Variants in GSE1 observed in about 807,000 individuals in gnomAD.
GSE1 encodes the protein genetic suppressor element 1.
GSE1 carries 32 observed loss-of-function variants against 112.6 expected under a neutral mutation model. The ratio of observed to expected loss-of-function variants is 0.28; its 90% CI spans 0.21 to 0.38. GSE1 has a LOEUF of 0.38. GSE1 is among the 10% of genes least tolerant of loss of function. The probability of loss-of-function intolerance (pLI) is 1.00; values close to 1 mark genes in which losing one functional copy is unlikely to be tolerated. For synonymous variants in GSE1, 1,115 were observed against 735.6 expected, an observed-to-expected ratio of 1.52 and a Z score of -8.35; for missense variants, 2,348 against 1,699.2, an observed-to-expected ratio of 1.38 and a Z score of -6.71.
rs2051087671 is a variant in GSE1, at chr16:85,648,705, C to T, written c.380C>T (p.Ala127Val). 4 of 1,608,954 alleles carry T rather than the reference C, an allele frequency of 2.5e-6. No individual in the cohort carries two copies. The highest frequency in any genetic ancestry group is 3.4e-6 in the Non-Finnish European group (4 of 1,178,148). ...AGCACCCCCCCCGTGGTGACCATCG[C>T]TCCAACCAAAACCGTGAATGGTGTC... ...VPSTPPVVTI[A>V]PTKTVNGVWR... is the part of the protein sequence containing the mutation. The change falls in exon 3 of 16, where the codon GCT (alanine) becomes GTT (valine). Residue 127 changes from alanine (A) to valine (V), a missense_variant. Ala to Val is a moderately conservative substitution (Grantham distance 64, BLOSUM62 0). Coordinates refer to ENST00000253458, the MANE Select transcript of GSE1 (RefSeq NM_014615.5).
chr16:85,232,844 G>A (rs985996365), intron 1 of GSE1, among the ~76,000 whole-genome samples: 2 of 152,256 alleles, frequency 1.3e-5, no homozygotes, highest in Admixed American at 6.5e-5. Flanking sequence ...TCAACCCTAT[G>A]TTAGGATTCT....
chr16:85,504,822 G>A (rs920892484), intron 2 of GSE1, among the ~76,000 whole-genome samples: 4 of 152,142 alleles, frequency 2.6e-5, no homozygotes, highest in Non-Finnish European at 5.9e-5. Flanking sequence ...TGGATGGGGG[G>A]TGCTCCAGGC....
chr16:85,356,994 A>C (rs573469458), intron 1 of GSE1, among the ~76,000 whole-genome samples: 1 of 152,216 alleles, frequency 6.6e-6, no homozygotes, highest in Non-Finnish European at 1.5e-5. Flanking sequence ...TGGTTTGCCC[A>C]GCTCTCTGAG....
At chr16:85,645,762 CT>C (rs1345638478) in intron 2 of GSE1, among the ~76,000 whole-genome samples, 1 of 152,246 alleles carries the variant, frequency 6.6e-6, no homozygotes, top group Non-Finnish European at 1.5e-5. Context: ...ATGCCGGGAG[CT>C]GATGGGCTGG....
intron 1 of GSE1, among the ~76,000 whole-genome samples, chr16:85,331,422 T>C (rs143709843): frequency 0.17 from 15,578 of 91,498 alleles, 2,394 homozygotes; most frequent in South Asian, 0.29. Flanking sequence ...TGCGTATATA[T>C]GTATATATGT....
intron 14 of GSE1, among the ~76,000 whole-genome samples, chr16:85,670,062 T>TC (rs1221143367): frequency 1.3e-5 from 2 of 152,252 alleles, no homozygotes; most frequent in African/African-American, 4.8e-5. Context: ...GTGGTTGGCA[T>TC]CCTTTTCCAT....
At position 85,337,526 on chromosome 16, in the gene GSE1, C is replaced by T. The variant is rs1034487871; in HGVS notation, c.2284-19937C>T. ...TTCACCGTGTTAGCCAGGATGGTCT[C>T]GATCTCCTGACCTCGTGATCCGCCC... On this transcript the variant is annotated intron_variant, in intron 1 of 2. Transcript: ENST00000637419. 4.6e-5 allele frequency among the ~76,000 whole-genome samples: 7 copies of T among 152,092 alleles called. No homozygotes were observed. In the South Asian group the frequency reaches 6.2e-4, roughly 14 times the overall value.
Position 85,439,025 on chromosome 16 carries a change from G to A in GSE1, c.2464+81382G>A, listed in dbSNP as rs541041376. On this transcript the variant is annotated intron_variant, in intron 2 of 2. Transcript: ENST00000637419. ...CAACCTCCCCACACGGTGAGGCAAA[G>A]CCAAGATCACCCACAAAGCCCAGGG... 6.5e-4 allele frequency among the ~76,000 whole-genome samples: 99 copies of A among 152,336 alleles called. 1 individual carries two copies. Among genetic ancestry groups the A allele is most frequent in the Admixed American group, 3.5e-3 (54 of 15,312 alleles).
intron 2 of GSE1, among the ~76,000 whole-genome samples, chr16:85,507,320 GC>G (rs1266549153): frequency 6.6e-6 from 1 of 152,182 alleles, no homozygotes; most frequent in Non-Finnish European, 1.5e-5. Flanking sequence ...TGAGCGGGGG[GC>G]TGTGGTAGGC....
intron 2 of GSE1, among the ~76,000 whole-genome samples, chr16:85,370,625 C>T (rs1414584081): frequency 6.6e-6 from 1 of 151,384 alleles, no homozygotes; most frequent in African/African-American, 2.4e-5. Context: ...CTCTCCCTCC[C>T]TCCTTCTCTC....
chr16:85,453,495 C>A (rs906788812), intron 2 of GSE1, among the ~76,000 whole-genome samples: 4 of 152,050 alleles, frequency 2.6e-5, no homozygotes, highest in African/African-American at 9.7e-5. Context: ...GGTGTGAGGG[C>A]ACCTCTTTCA....
intron 2 of GSE1, among the ~76,000 whole-genome samples, chr16:85,382,137 C>G (rs531785892): frequency 1.3e-5 from 2 of 152,248 alleles, no homozygotes. Context: ...GTCACCCCCA[C>G]GCAATGTGGT....
intron 2 of GSE1, among the ~76,000 whole-genome samples, chr16:85,499,247 C>T (rs2051281421): frequency 6.8e-6 from 1 of 146,228 alleles, no homozygotes; most frequent in Admixed American, 6.9e-5. Context: ...AGATGGGCAT[C>T]AGCGAGAGGG....
chr16:85,276,716 C>T (rs1044214018), intron 1 of GSE1, among the ~76,000 whole-genome samples: 1 of 152,126 alleles, frequency 6.6e-6, no homozygotes, highest in Non-Finnish European at 1.5e-5. Context: ...TGGGCCAGGG[C>T]AGGGGCCGGG....
chr16:85,674,442 C>T lies in GSE1; in HGVS notation c.*1903C>T, dbSNP rs1421874943. On this transcript the variant is annotated 3_prime_UTR_variant, in exon 16 of 16. Coordinates refer to ENST00000253458, the MANE Select transcript of GSE1 (RefSeq NM_014615.5). Reference sequence around the variant, plus strand: ...GCTGCAGGCCTCCCCTCGAAAGACACTGGGAGGTCAGCATGTTCCACAGGT... The same window carrying T: ...GCTGCAGGCCTCCCCTCGAAAGACATTGGGAGGTCAGCATGTTCCACAGGT... 6.7e-6 allele frequency: 1 copy of T among 149,804 alleles called. No homozygotes were observed. Among genetic ancestry groups the T allele is most frequent in the African/African-American group, 2.5e-5 (1 of 39,586 alleles). 9.3% of individuals were successfully genotyped at this position (149,804 alleles called of 1,614,324 possible). A position where few individuals can be genotyped will look rare whatever the true frequency, so the allele number is the denominator to read the frequency against.
chr16:85,352,475 CT>C (rs2046870237), intron 1 of GSE1, among the ~76,000 whole-genome samples: 1 of 152,178 alleles, frequency 6.6e-6, no homozygotes, highest in South Asian at 2.1e-4. Context: ...CCAGGGCCCC[CT>C]GGGAGTGGGG....
At chr16:85,653,560 C>T (rs28513950) in intron 3 of GSE1, among the ~76,000 whole-genome samples, 1 of 151,646 alleles carries the variant, frequency 6.6e-6, no homozygotes, top group African/African-American at 2.4e-5. Flanking sequence ...CCCAGCTACA[C>T]CCAGGTCCAC....
At chr16:85,382,252 GC>G (rs2047564611) in intron 2 of GSE1, among the ~76,000 whole-genome samples, 1 of 152,170 alleles carries the variant, frequency 6.6e-6, no homozygotes, top group South Asian at 2.1e-4. Context: ...TCTCCAGCCC[GC>G]CCTTATCTCA....
intron 1 of GSE1, among the ~76,000 whole-genome samples, chr16:85,197,057 C>T (rs908225892): frequency 3.3e-5 from 5 of 152,076 alleles, no homozygotes; most frequent in African/African-American, 7.2e-5. Flanking sequence ...TGGGGTCAGA[C>T]GAGGGGTTGG....
Sources: allele counts gnomAD v4.1 joint callset (sites outside exome capture counted in the v4.1 genomes callset), GRCh38; gene constraint gnomAD v4.1.1; transcripts MANE v1.5; gene names NCBI Gene and HGNC (gene_info 2026-07-23, HGNC 2026-07-21).